NRXN1: variants seen among roughly 807,000 people sequenced by gnomAD.
NRXN1 encodes the protein neurexin-1.
NRXN1 carries 39 observed loss-of-function variants against 150.9 expected under a neutral mutation model. That is an observed-to-expected ratio of 0.26 (90% CI 0.20 to 0.34). The LOEUF is 0.34. Ranked by LOEUF, NRXN1 falls within the 10% of genes least tolerant of loss-of-function variation. NRXN1 has a pLI of 1.00. For synonymous variants in NRXN1, 924 were observed against 757.0 expected, an observed-to-expected ratio of 1.22 and a Z score of -3.62; for missense variants, 1,815 against 1,949.9, an observed-to-expected ratio of 0.93 and a Z score of 1.30.
At chr2:50,199,345 T>A (rs2061995908) in intron 18 of NRXN1, 1 of 152,060 alleles carries the variant, frequency 6.6e-6, no homozygotes, top group African/African-American at 2.4e-5. Flanking sequence ...GAAACCAGGT[T>A]TGCTTCTGTT....
At chr2:50,667,955 G>A (rs888006069) in intron 5 of NRXN1, among the ~76,000 whole-genome samples, 5 of 151,834 alleles carry the variant, frequency 3.3e-5, no homozygotes, top group African/African-American at 1.2e-4. Flanking sequence ...ATTGTCTATG[G>A]CATAACAAAA....
At chr2:50,783,153 T>TA (rs2105531109) in intron 5 of NRXN1, among the ~76,000 whole-genome samples, 1 of 152,276 alleles carries the variant, frequency 6.6e-6, no homozygotes, top group South Asian at 2.1e-4. Context: ...AATTCTAGTT[T>TA]AAAAAATCAG....
intron 5 of NRXN1, among the ~76,000 whole-genome samples, chr2:50,897,148 C>G (rs1215793107): frequency 6.6e-6 from 1 of 152,222 alleles, no homozygotes; most frequent in Non-Finnish European, 1.5e-5. Flanking sequence ...AGCAGCTCTA[C>G]TGTTTATCAG....
rs1409764162 is a variant in NRXN1 at position 50,055,003 on chromosome 2, T to C, written c.3760A>G (p.Ile1254Val). 6.2e-7 allele frequency: 1 copy of C among 1,601,450 alleles called. No individual in the cohort carries two copies. The highest frequency in any genetic ancestry group is 1.3e-5 in the African/African-American group (1 of 74,416). ...NERLAIARQRIPYRLGRVVDE... is the reference protein window; with the variant it reads ...NERLAIARQRVPYRLGRVVDE... ...ACTACTCGACCAAGTCGATATGGAA[T>C]TCGCTGTCTAGCAATCGCCAGGCGC... The change falls in exon 20 of 23, where the codon ATT becomes GTT. Residue 1254 changes from isoleucine to valine, a missense_variant. Physicochemically the swap from Ile to Val is conservative, Grantham distance 29. Transcript: ENST00000401669.
At chr2:50,646,507 CA>C (rs1684831582) in intron 5 of NRXN1, among the ~76,000 whole-genome samples, 1 of 151,952 alleles carries the variant, frequency 6.6e-6, no homozygotes, top group South Asian at 2.1e-4. Flanking sequence ...CTGTGATATG[CA>C]AGATGAAACT....
intron 17 of NRXN1, among the ~76,000 whole-genome samples, chr2:50,250,960 AATTT>A (rs1172035426): frequency 2.0e-5 from 3 of 151,036 alleles, no homozygotes; most frequent in South Asian, 2.1e-4. Flanking sequence ...ATATGTAATA[AATTT>A]ATTACACATT....
At chr2:50,645,058 G>T (rs934919087) in intron 5 of NRXN1, among the ~76,000 whole-genome samples, 9 of 151,718 alleles carry the variant, frequency 5.9e-5, no homozygotes, top group African/African-American at 2.2e-4. Context: ...AATACAAAAT[G>T]TCTTTTTCCA....
intron 17 of NRXN1, among the ~76,000 whole-genome samples, chr2:50,393,720 T>C (rs527782454): frequency 6.6e-6 from 1 of 152,248 alleles, no homozygotes; most frequent in South Asian, 2.1e-4. Flanking sequence ...ATAGGCTTAA[T>C]CTACTATTTC....
At chr2:50,865,658 G>GTTTTTT (rs71404978) in intron 5 of NRXN1, among the ~76,000 whole-genome samples, 8,119 of 41,956 alleles carry the variant, frequency 0.19, 2,350 homozygotes, top group Middle Eastern at 0.38. Flanking sequence ...GCATTTGAAA[G>GTTTTTT]TTTTTTTTTT....
chr2:50,426,707 T>C (rs199727752), intron 17 of NRXN1, among the ~76,000 whole-genome samples: 1 of 152,110 alleles, frequency 6.6e-6, no homozygotes, highest in Non-Finnish European at 1.5e-5. Flanking sequence ...CCCGGAAAAA[T>C]TTCACTGCAA....
chr2:50,381,572 C>CAA (rs1553521174), intron 17 of NRXN1, among the ~76,000 whole-genome samples: 2 of 135,336 alleles, frequency 1.5e-5, no homozygotes, highest in East Asian at 2.3e-4. Context: ...CACACACACA[C>CAA]AATCTGCTTT....
intron 17 of NRXN1, among the ~76,000 whole-genome samples, chr2:50,460,789 T>C (rs531704225): frequency 2.6e-5 from 4 of 152,148 alleles, no homozygotes; most frequent in Admixed American, 1.3e-4. Flanking sequence ...TTAAGGTGTT[T>C]TCAGTAAAGA....
chr2:50,517,858 C>A (rs2092674137), intron 12 of NRXN1, among the ~76,000 whole-genome samples: 1 of 152,140 alleles, frequency 6.6e-6, no homozygotes, highest in Admixed American at 6.5e-5. Flanking sequence ...AGAGACTTTT[C>A]TGCCATTTTC....
chr2:50,710,616 C>G (rs1236883415), intron 5 of NRXN1, among the ~76,000 whole-genome samples: 1 of 152,066 alleles, frequency 6.6e-6, no homozygotes, highest in African/African-American at 2.4e-5. Context: ...CATACTTTTC[C>G]CATCTTTGAA....
chr2:50,200,952 C>T (rs1343314888), intron 18 of NRXN1, among the ~76,000 whole-genome samples: 1 of 151,968 alleles, frequency 6.6e-6, no homozygotes, highest in Non-Finnish European at 1.5e-5. Flanking sequence ...AGCTATAAAT[C>T]GACTTCTGAA....
intron 5 of NRXN1, among the ~76,000 whole-genome samples, chr2:50,765,596 T>C (rs905068495): frequency 6.6e-6 from 1 of 152,012 alleles, no homozygotes; most frequent in African/African-American, 2.4e-5. Flanking sequence ...GAGTGCACTA[T>C]AGGACACCAA....
intron 17 of NRXN1, among the ~76,000 whole-genome samples, chr2:50,261,917 T>A (rs1362746028): frequency 6.6e-6 from 1 of 151,878 alleles, no homozygotes; most frequent in Non-Finnish European, 1.5e-5. Context: ...ATTGAAACTA[T>A]ACAATAATCC....
chr2:50,357,333 A>C (rs1177346637), intron 17 of NRXN1, among the ~76,000 whole-genome samples: 6 of 151,070 alleles, frequency 4.0e-5, no homozygotes, highest in Non-Finnish European at 7.4e-5. Context: ...TTTGAGACAA[A>C]GTTTCACTCT....
At chr2:50,376,325 T>C (rs2080491708) in intron 17 of NRXN1, among the ~76,000 whole-genome samples, 1 of 151,536 alleles carries the variant, frequency 6.6e-6, no homozygotes. Context: ...TCTCCATTTG[T>C]GTTCTATTGG....
Sources: gnomAD v4.1 joint callset for allele counts (sites outside exome capture counted in the v4.1 genomes callset) on GRCh38, gnomAD v4.1.1 for gene constraint, MANE v1.5 for transcripts, NCBI Gene and HGNC (gene_info 2026-07-23, HGNC 2026-07-21) for gene names.